BMERB1: variants seen among roughly 807,000 people sequenced by gnomAD.
BMERB1 encodes bMERB domain containing 1, also known as bMERB domain-containing protein 1.
BMERB1 carries 12 observed loss-of-function variants against 23.6 expected under a neutral mutation model. The observed-to-expected ratio is 0.51, with a 90% CI of 0.33 to 0.82. The LOEUF (loss-of-function observed/expected upper bound fraction) is 0.82, where lower values mean the gene tolerates loss of function less well. BMERB1 is among the 40% of genes least tolerant of loss of function. The pLI is 0.03. For missense variants in BMERB1, 247 were observed against 255.4 expected, an observed-to-expected ratio of 0.97 and a Z score of 0.22; for synonymous variants, 122 against 96.6, an observed-to-expected ratio of 1.26 and a Z score of -1.54.
chr16:15,471,934 T>C (rs2051232514), intron 1 of BMERB1, among the ~76,000 whole-genome samples: 1 of 152,266 alleles, frequency 6.6e-6, no homozygotes, highest in African/African-American at 2.4e-5. Flanking sequence ...ACAGTCTCTG[T>C]ATCACATATG....
chr16:15,450,798 G>A (rs1250055504), intron 1 of BMERB1, among the ~76,000 whole-genome samples: 1 of 152,128 alleles, frequency 6.6e-6, no homozygotes, highest in Non-Finnish European at 1.5e-5. Flanking sequence ...TGCTGTGGGA[G>A]GAGAAAGTTC....
intron 4 of BMERB1, among the ~76,000 whole-genome samples, chr16:15,582,918 C>T (rs1028417723): frequency 3.9e-5 from 6 of 152,174 alleles, no homozygotes; most frequent in African/African-American, 1.4e-4. Context: ...CCTGCCTCTG[C>T]CCTGGGGTCA....
intron 1 of BMERB1, among the ~76,000 whole-genome samples, chr16:15,468,070 A>C (rs2150930452): frequency 6.6e-6 from 1 of 151,186 alleles, no homozygotes; most frequent in African/African-American, 2.4e-5. Context: ...CAGAGAGAAC[A>C]GATTGTAAAT....
chr16:15,504,192 C>T (rs373731431), intron 1 of BMERB1, among the ~76,000 whole-genome samples: 6 of 152,174 alleles, frequency 3.9e-5, no homozygotes, highest in Admixed American at 2.0e-4. Flanking sequence ...GAACCACTCC[C>T]CTCTCTTGCC....
intron 1 of BMERB1, among the ~76,000 whole-genome samples, chr16:15,449,777 T>C (rs6498555): frequency 0.98 from 149,154 of 152,174 alleles, 73,178 homozygotes; most frequent in Middle Eastern, 1. Context: ...AACTCCTGAC[T>C]TCAGGTGATC....
intron 2 of BMERB1, among the ~76,000 whole-genome samples, chr16:15,541,074 A>G (rs374621349): frequency 3.1e-4 from 47 of 152,092 alleles, no homozygotes; most frequent in African/African-American, 1.1e-3. Flanking sequence ...TGCCTGGCCA[A>G]TTACAAACTT....
intron 2 of BMERB1, among the ~76,000 whole-genome samples, chr16:15,565,054 A>C (rs2030526101): frequency 6.8e-6 from 1 of 146,170 alleles, no homozygotes; most frequent in Admixed American, 6.9e-5. Context: ...CCTTTATGCA[A>C]AAAAAAAAAA....
intron 1 of BMERB1, among the ~76,000 whole-genome samples, chr16:15,458,491 G>A (rs1374420044): frequency 6.6e-6 from 1 of 152,006 alleles, no homozygotes; most frequent in African/African-American, 2.4e-5. Context: ...GAGGTGGGTG[G>A]ATTACCTGAA....
At chr16:15,449,067 CA>C (rs2051017106) in intron 1 of BMERB1, among the ~76,000 whole-genome samples, 1 of 151,916 alleles carries the variant, frequency 6.6e-6, no homozygotes, top group South Asian at 2.1e-4. Context: ...ACAACAGAAA[CA>C]AAAAAACGAT....
At chr16:15,488,610 G>T (rs1422356309) in intron 1 of BMERB1, among the ~76,000 whole-genome samples, 1 of 151,230 alleles carries the variant, frequency 6.6e-6, no homozygotes, top group Non-Finnish European at 1.5e-5. Context: ...GAGGCGGGTG[G>T]ATCACGAGGT....
chr16:15,523,517 C>T (rs1194129857), intron 2 of BMERB1, among the ~76,000 whole-genome samples: 2 of 152,136 alleles, frequency 1.3e-5, no homozygotes, highest in Non-Finnish European at 1.5e-5. Context: ...CGACCATGCC[C>T]TTCCCTTCCT....
At chr16:15,536,346 C>CT (rs1002799495) in intron 2 of BMERB1, among the ~76,000 whole-genome samples, 6 of 151,964 alleles carry the variant, frequency 3.9e-5, no homozygotes, top group African/African-American at 1.4e-4. Flanking sequence ...CAGCAGCCCC[C>CT]TAGGGACCCC....
At chr16:15,532,544 C>CT (rs58964968) in intron 2 of BMERB1, among the ~76,000 whole-genome samples, 10,577 of 91,824 alleles carry the variant, frequency 0.12, 768 homozygotes, top group Non-Finnish European at 0.16. Flanking sequence ...TTTTCTTTTT[C>CT]TTTTTTTTTT....
chr16:15,543,162 T>G (rs2052102568), intron 2 of BMERB1, among the ~76,000 whole-genome samples: 1 of 152,076 alleles, frequency 6.6e-6, no homozygotes, highest in South Asian at 2.1e-4. Context: ...AATCTTCCCC[T>G]GGAGTTCAGC....
chr16:15,533,042 G>A (rs1007712307), intron 2 of BMERB1: 4 of 455,628 alleles, frequency 8.8e-6, no homozygotes, highest in African/African-American at 2.0e-5. Flanking sequence ...GGCCTCATCT[G>A]TTAAATAGCC....
chr16:15,561,255 C>CTTTT (rs1387833018), intron 2 of BMERB1, among the ~76,000 whole-genome samples: 1 of 67,790 alleles, frequency 1.5e-5, no homozygotes, highest in African/African-American at 6.3e-5. Context: ...CCACGCCGGC[C>CTTTT]ATTTTTTTTT....
intron 1 of BMERB1, among the ~76,000 whole-genome samples, chr16:15,457,672 G>C (rs2051097205): frequency 6.6e-6 from 1 of 152,124 alleles, no homozygotes; most frequent in Non-Finnish European, 1.5e-5. Context: ...TCCAGATGTT[G>C]GTTCAGGTTG....
In BMERB1 at chr16:15,572,257, T is replaced by C. The variant is rs552270402; in HGVS notation, c.304+4201T>C. Among the ~76,000 whole-genome samples the C allele has an allele frequency of 2.0e-5, 3 of 152,302 alleles. No individual in the cohort carries two copies. In the East Asian group the frequency reaches 5.8e-4, roughly 29 times the overall value. On this transcript the variant is annotated intron_variant, in intron 3 of 5. Transcript: ENST00000300006. ...AATACTACCCCCCGCATGGTTGTTG[T>C]GAATATCCCATAAATAACAAAGGCA...
chr16:15,537,774 C>G (rs2052039166), intron 2 of BMERB1, among the ~76,000 whole-genome samples: 1 of 152,104 alleles, frequency 6.6e-6, no homozygotes, highest in Admixed American at 6.6e-5. Context: ...CTTCCTGCCT[C>G]AGCCCCTTGA....
Sources: gnomAD v4.1 joint callset for allele counts (sites outside exome capture counted in the v4.1 genomes callset) on GRCh38, gnomAD v4.1.1 for gene constraint, MANE v1.5 for transcripts, NCBI Gene and HGNC (gene_info 2026-07-23, HGNC 2026-07-21) for gene names.